Variants in RFX2 observed in about 807,000 individuals in gnomAD.
The protein encoded by RFX2 is DNA-binding protein RFX2.
RFX2 carries 20 observed loss-of-function variants against 87.8 expected under a neutral mutation model. That is an observed-to-expected ratio of 0.23 (90% CI 0.16 to 0.33). The LOEUF (loss-of-function observed/expected upper bound fraction) is 0.33. Ranked by LOEUF, RFX2 falls within the 10% of genes least tolerant of loss-of-function variation. RFX2 has a pLI of 1.00. For synonymous variants in RFX2, 397 were observed against 431.3 expected (o/e 0.92, Z 0.98); for missense variants, 767 against 1,012.3 (o/e 0.76, Z 3.29).
At chr19:6,078,586 C>A (rs2087729762) in intron 1 of RFX2, among the ~76,000 whole-genome samples, 1 of 152,074 alleles carries the variant, frequency 6.6e-6, no homozygotes, top group Non-Finnish European at 1.5e-5. Context: ...GTTGAAAAAA[C>A]CCCAGCTATA....
intron 1 of RFX2, among the ~76,000 whole-genome samples, chr19:6,084,887 T>C (rs2087835515): frequency 1.3e-5 from 2 of 152,152 alleles, no homozygotes; most frequent in Admixed American, 6.5e-5. Flanking sequence ...ACCACCCACC[T>C]TGGCCTCCCA....
At position 5,997,315 on chromosome 19, in the gene RFX2, C is replaced by T. The variant is rs1268305237; in HGVS notation, c.1860-102G>A. ...CAACACACCCCCTGCTCTACGTTCCCTGGGGAACCCAGAGGCTGAGTGATC... is the reference window on the plus strand; with the variant it reads ...CAACACACCCCCTGCTCTACGTTCCTTGGGGAACCCAGAGGCTGAGTGATC... On this transcript the variant is annotated intron_variant, in intron 15 of 17. Coordinates refer to ENST00000303657, the MANE Select transcript of RFX2 (RefSeq NM_000635.4). This position sits in a 1 kb window ranked among gnomAD's most constrained non-coding sequence, Gnocchi z 4.2. 7.6e-7 allele frequency: 1 copy of T among 1,307,262 alleles called. No homozygotes were observed. Among genetic ancestry groups the T allele is most frequent in the Non-Finnish European group, 1.0e-6 (1 of 978,470 alleles). 81.0% of individuals were successfully genotyped at this position (1,307,262 alleles called of 1,614,324 possible). A position where few individuals can be genotyped will look rare whatever the true frequency, so the allele number is the denominator to read the frequency against.
chr19:6,046,015 A>G (rs1322767289), intron 2 of RFX2, among the ~76,000 whole-genome samples: 1 of 151,952 alleles, frequency 6.6e-6, no homozygotes, highest in Non-Finnish European at 1.5e-5. Flanking sequence ...AACCATAATC[A>G]TTTCTTTTTG....
intron 1 of RFX2, among the ~76,000 whole-genome samples, chr19:6,057,437 C>A (rs1017628717): frequency 6.6e-6 from 1 of 152,226 alleles, no homozygotes; most frequent in African/African-American, 2.4e-5. Flanking sequence ...TGACTCACTG[C>A]GACCTTAAGC....
chr19:6,028,668 AT>A (rs2144739043), intron 5 of RFX2, among the ~76,000 whole-genome samples: 1 of 152,326 alleles, frequency 6.6e-6, no homozygotes, highest in East Asian at 1.9e-4. Context: ...AACTCTGGAA[AT>A]GAATTAAAAG....
At chr19:5,996,759 G>C (rs1284027019) in intron 16 of RFX2, among the ~76,000 whole-genome samples, 3 of 152,234 alleles carry the variant, frequency 2.0e-5, no homozygotes, top group Non-Finnish European at 4.4e-5. Context: ...CCTGTGTGGC[G>C]GGACGCCCAA....
chr19:6,020,942 A>G lies in RFX2; in HGVS notation c.598-4671T>C, dbSNP rs1464481828. On this transcript the variant is annotated intron_variant, in intron 6 of 17. Transcript: ENST00000303657. The surrounding 1 kb of genome is among the most constrained non-coding windows in gnomAD (Gnocchi z 5.3). ...CCTTTTAAGGAAAAAAAATCCCGAA[A>G]TGCCAGCGCCTCCCTCTCCCCGGCC... Among the ~76,000 whole-genome samples the G allele has an allele frequency of 6.6e-6, 1 of 152,176 alleles. No individual in the cohort carries two copies. The highest frequency in any genetic ancestry group is 1.5e-5 in the Non-Finnish European group (1 of 68,032).
intron 6 of RFX2, among the ~76,000 whole-genome samples, chr19:6,018,499 G>A (rs2086761475): frequency 6.6e-6 from 1 of 152,228 alleles, no homozygotes; most frequent in African/African-American, 2.4e-5. Flanking sequence ...CAGGTGAAGG[G>A]GTGTGTGGGG....
In RFX2 at chr19:6,004,079, G is replaced by C; in HGVS notation, c.1500+122C>G. The C allele has an allele frequency of 1.3e-6, 1 of 767,950 alleles. No individual in the cohort carries two copies. The highest frequency in any genetic ancestry group is 1.5e-5 in the South Asian group (1 of 68,042). The allele number at this position is 767,950 out of a possible 1,614,324, so 47.6% of individuals were successfully genotyped here. On this transcript the variant is annotated intron_variant, in intron 13 of 17. Transcript: ENST00000303657. This position sits in a 1 kb window ranked among gnomAD's most constrained non-coding sequence, Gnocchi z 4.8. ...GTGCTCAGGGCTTCCTGAAGGGATC[G>C]GTTACTCTCATGACGCAGGGAAGAA...
chr19:6,102,540 A>G (rs1240228335), intron 1 of RFX2, among the ~76,000 whole-genome samples: 1 of 152,248 alleles, frequency 6.6e-6, no homozygotes, highest in African/African-American at 2.4e-5. Flanking sequence ...AATAGCATCC[A>G]AACTTTGCCC....
intron 1 of RFX2, among the ~76,000 whole-genome samples, chr19:6,062,178 AC>A (rs2087443145): frequency 6.6e-6 from 1 of 152,128 alleles, no homozygotes; most frequent in Non-Finnish European, 1.5e-5. Context: ...TAAACAAGTA[AC>A]AAAACAAAAC....
chr19:6,034,954 A>G (rs747505899), intron 5 of RFX2, among the ~76,000 whole-genome samples: 15 of 152,244 alleles, frequency 9.9e-5, no homozygotes, highest in African/African-American at 1.2e-4. Context: ...GCAAAAAGAA[A>G]GCTGTCAAAG....
chr19:6,063,068 T>A lies in RFX2; in HGVS notation c.-8-15564A>T, dbSNP rs1172994058. The stretch of plus-strand genomic sequence containing the variant: ...GAGCTGCTGTGTCTCGTATCCCTCC[T>A]GTCCTGCCGCTCTCGCTCTTGCTCC... On this transcript the variant is annotated intron_variant, in intron 1 of 17. Transcript: ENST00000303657. The surrounding 1 kb of genome is among the most constrained non-coding windows in gnomAD (Gnocchi z 4.0). Among the ~76,000 whole-genome samples the A allele has an allele frequency of 6.6e-6, 1 of 152,208 alleles. No individual in the cohort carries two copies. Among genetic ancestry groups the A allele is most frequent in the Non-Finnish European group, 1.5e-5 (1 of 68,022 alleles).
intron 1 of RFX2, among the ~76,000 whole-genome samples, chr19:6,049,726 C>G (rs1034643810): frequency 8.5e-5 from 13 of 152,166 alleles, no homozygotes; most frequent in African/African-American, 3.1e-4. Context: ...CGGGGCTTCA[C>G]CATGTTGGTC....
chr19:6,005,566 G>C (rs2086569288), intron 12 of RFX2, among the ~76,000 whole-genome samples: 1 of 152,208 alleles, frequency 6.6e-6, no homozygotes. Context: ...AGGTCTCCAA[G>C]GGCACGAGTG....
At chr19:6,096,430 TTTTTG>T (rs139772504) in intron 1 of RFX2, among the ~76,000 whole-genome samples, 24,831 of 151,060 alleles carry the variant, frequency 0.16, 3,444 homozygotes, top group African/African-American at 0.38. Flanking sequence ...TCGTTTTTGT[TTTTTG>T]TTTTGTTTTG....
rs1389554115 is a variant in RFX2 at position 6,095,139 on chromosome 19, A to C, written c.-9+15254T>G. Among the ~76,000 whole-genome samples, 4 of 152,210 alleles carry C rather than the reference A, an allele frequency of 2.6e-5. No individual in the cohort carries two copies. In the East Asian group the frequency reaches 7.8e-4, roughly 30 times the overall value. On this transcript the variant is annotated intron_variant, in intron 1 of 17. Transcript: ENST00000303657. Reference sequence around the variant, plus strand: ...ATAAATAAATAAATAAAAACAAATAAATAAAATGCGGCTACTAGAAAATTG... The same window carrying C: ...ATAAATAAATAAATAAAAACAAATACATAAAATGCGGCTACTAGAAAATTG...
At chr19:6,031,319 G>A (rs955795454) in intron 5 of RFX2, among the ~76,000 whole-genome samples, 4 of 151,000 alleles carry the variant, frequency 2.6e-5, no homozygotes, top group South Asian at 2.1e-4. Flanking sequence ...ATAGTAAAGA[G>A]ATGTGTGCTC....
In RFX2 at chr19:6,063,100, G is replaced by A. The variant is rs1051914791; in HGVS notation, c.-8-15596C>T. On this transcript the variant is annotated intron_variant, in intron 1 of 17. Coordinates refer to ENST00000303657, the MANE Select transcript of RFX2 (RefSeq NM_000635.4). This position sits in a 1 kb window ranked among gnomAD's most constrained non-coding sequence, Gnocchi z 4.0. The stretch of plus-strand genomic sequence containing the variant: ...CCGCTCTCGCTCTTGCTCCTAGGCC[G>A]CCTTCTCCCTCATGCATCCAGCTAC... Among the ~76,000 whole-genome samples the A allele has an allele frequency of 4.6e-5, 7 of 152,064 alleles. No homozygotes were observed. The highest frequency in any genetic ancestry group is 7.4e-5 in the Non-Finnish European group (5 of 68,002).
Sources: gnomAD v4.1 joint callset for allele counts (sites outside exome capture counted in the v4.1 genomes callset) on GRCh38, gnomAD v4.1.1 for gene constraint, Gnocchi (gnomAD v3.1) non-coding constraint, MANE v1.5 for transcripts, NCBI Gene and HGNC (gene_info 2026-07-23, HGNC 2026-07-21) for gene names.